Variants in PATJ observed in about 807,000 individuals in gnomAD.
PATJ encodes PATJ crumbs cell polarity complex component.
A neutral mutation model predicts 224.9 loss-of-function variants in PATJ; 190 were observed. The observed-to-expected ratio is 0.84, with a 90% CI of 0.75 to 0.95. The LOEUF (loss-of-function observed/expected upper bound fraction) is 0.95. Ranked by LOEUF, PATJ falls within the 40% of genes least tolerant of loss-of-function variation. PATJ has a pLI of 0.00. For synonymous variants in PATJ, 769 were observed against 820.3 expected (o/e 0.94, Z 1.07); for missense variants, 2,121 against 2,270.3 (o/e 0.93, Z 1.34).
Position 61,775,257 on chromosome 1 carries a change from C to T in PATJ, c.772C>T (p.Leu258=). 6.2e-7 allele frequency: 1 copy of T among 1,613,762 alleles called. No individual in the cohort carries two copies. The highest frequency in any genetic ancestry group is 8.5e-7 in the Non-Finnish European group (1 of 1,179,830). Residue 258 remains leucine, a synonymous_variant, in exon 7 of 44, where the codon CTA becomes TTA. Coordinates refer to ENST00000642238, the MANE Select transcript of PATJ (RefSeq NM_001350145.3). ...TGAGCTCATTAATGATGGCTCTGGA[C>T]TAGGTTTTGGAATAGTTGGAGGAAA... ...EVELINDGSG[L]GFGIVGGKTS... is the part of the protein sequence containing the mutation.
intron 27 of PATJ, among the ~76,000 whole-genome samples, chr1:61,938,839 A>G (rs1364174388): frequency 2.6e-5 from 4 of 152,176 alleles, no homozygotes; most frequent in Non-Finnish European, 5.9e-5. Flanking sequence ...AAGATAGATG[A>G]TTCAATAAAT....
intron 7 of PATJ, among the ~76,000 whole-genome samples, 161 bp downstream of exon 7, chr1:61,775,495 C>G (rs1231990258): frequency 6.6e-6 from 1 of 152,158 alleles, no homozygotes; most frequent in African/African-American, 2.4e-5. Flanking sequence ...TTAGGCTACA[C>G]TCAGTCTTAT....
intron 14 of PATJ, among the ~76,000 whole-genome samples, chr1:61,814,541 TGTGTGTGC>T (rs1474249707): frequency 2.9e-5 from 4 of 139,126 alleles, no homozygotes; most frequent in Non-Finnish European, 6.1e-5. Flanking sequence ...TGTGTGTGTG[TGTGTGTGC>T]GCGCGCGCGC....
chr1:61,958,954 C>T (rs1388349161), intron 27 of PATJ, among the ~76,000 whole-genome samples: 1 of 152,052 alleles, frequency 6.6e-6, no homozygotes, highest in Admixed American at 6.5e-5. Flanking sequence ...TACGAAGAGC[C>T]TAAATGTGAG....
chr1:62,014,226 T>G (rs2148351564), intron 28 of PATJ, among the ~76,000 whole-genome samples: 2 of 151,998 alleles, frequency 1.3e-5, no homozygotes, highest in Admixed American at 6.5e-5. Flanking sequence ...ACTGGTTAAC[T>G]TTTTATTATT....
intron 27 of PATJ, among the ~76,000 whole-genome samples, chr1:61,967,736 A>G (rs959780207): frequency 2.6e-5 from 4 of 152,252 alleles, no homozygotes; most frequent in Non-Finnish European, 5.9e-5. Flanking sequence ...AGAATTGCCC[A>G]TAAGAGATTT....
At chr1:62,153,905 C>CT (rs1221281702) in intron 43 of PATJ, among the ~76,000 whole-genome samples, 1 of 152,098 alleles carries the variant, frequency 6.6e-6, no homozygotes, top group Non-Finnish European at 1.5e-5. Context: ...TCAGTGCATT[C>CT]TTTATTTTAT....
At chr1:61,843,302 C>T (rs1351867686) in intron 17 of PATJ, among the ~76,000 whole-genome samples, 1 of 152,216 alleles carries the variant, frequency 6.6e-6, no homozygotes, top group African/African-American at 2.4e-5. Context: ...AGTCAGAAAG[C>T]TCCCAAACGT....
At chr1:61,864,738 T>C in intron 20 of PATJ, 105 bp downstream of exon 20, 1 of 966,048 alleles carries the variant, frequency 1.0e-6, no homozygotes, top group Non-Finnish European at 1.5e-6. Context: ...AAATGGGCCT[T>C]TCCGTAAGTC....
intron 31 of PATJ, among the ~76,000 whole-genome samples, chr1:62,073,896 A>G (rs1301852420): frequency 6.6e-6 from 1 of 152,138 alleles, no homozygotes; most frequent in Non-Finnish European, 1.5e-5. Context: ...GAATTTCTAT[A>G]AAATAACTTC....
At chr1:61,984,768 G>A (rs1644653001) in intron 27 of PATJ, among the ~76,000 whole-genome samples, 1 of 151,954 alleles carries the variant, frequency 6.6e-6, no homozygotes, top group Non-Finnish European at 1.5e-5. Context: ...TGTTTTTCCT[G>A]ACAACACACT....
At chr1:62,153,997 C>G (rs1035407727) in intron 43 of PATJ, among the ~76,000 whole-genome samples, 16 of 152,136 alleles carry the variant, frequency 1.1e-4, no homozygotes, top group Non-Finnish European at 1.8e-4. Context: ...TCTGCCTCCC[C>G]GGGTTCAAGC....
At chr1:61,819,519 A>G (rs1470879189) in intron 14 of PATJ, among the ~76,000 whole-genome samples, 1 of 152,126 alleles carries the variant, frequency 6.6e-6, no homozygotes, top group Non-Finnish European at 1.5e-5. Context: ...TATACCCCGT[A>G]CATATATGCT....
At chr1:62,023,866 T>TTATCATTA (rs1347798027) in intron 29 of PATJ, among the ~76,000 whole-genome samples, 1 of 152,220 alleles carries the variant, frequency 6.6e-6, no homozygotes, top group Non-Finnish European at 1.5e-5. Flanking sequence ...TTTTGAGGTG[T>TTATCATTA]TCCTTTAATG....
intron 34 of PATJ, among the ~76,000 whole-genome samples, chr1:62,111,009 C>T (rs17123095): frequency 6.6e-6 from 1 of 152,208 alleles, no homozygotes. Flanking sequence ...CGGCACATTT[C>T]GTGGTATCTC....
chr1:61,939,885 G>A (rs1299413224), intron 27 of PATJ, among the ~76,000 whole-genome samples: 2 of 151,718 alleles, frequency 1.3e-5, no homozygotes, highest in Non-Finnish European at 2.9e-5. Flanking sequence ...TGTTGGCCAA[G>A]CTGGTCTCAA....
intron 43 of PATJ, among the ~76,000 whole-genome samples, chr1:62,158,722 AAAAAAAAAC>A (rs1480231787): frequency 6.8e-6 from 1 of 147,200 alleles, no homozygotes; most frequent in African/African-American, 2.5e-5. Flanking sequence ...CTCTGTCTCA[AAAAAAAAAC>A]AAAAAAAAAG....
At chr1:61,881,688 A>C (rs757342665) in intron 21 of PATJ, among the ~76,000 whole-genome samples, 21 of 152,178 alleles carry the variant, frequency 1.4e-4, no homozygotes, top group Non-Finnish European at 2.5e-4. Context: ...CTGGGATTAC[A>C]GGTGTGAGCT....
chr1:61,846,584 A>G (rs1430361267), intron 17 of PATJ, among the ~76,000 whole-genome samples: 1 of 152,132 alleles, frequency 6.6e-6, no homozygotes, highest in African/African-American at 2.4e-5. Context: ...GTATATTCAC[A>G]TTTCAACTAA....
Sources: gnomAD v4.1 joint callset for allele counts (sites outside exome capture counted in the v4.1 genomes callset) on GRCh38, gnomAD v4.1.1 for gene constraint, MANE v1.5 for transcripts, NCBI Gene and HGNC (gene_info 2026-07-23, HGNC 2026-07-21) for gene names.